Variants in SMYD3 observed in about 807,000 individuals in gnomAD.
The protein encoded by SMYD3 is histone-lysine N-methyltransferase SMYD3.
Under a neutral mutation model 57.7 loss-of-function variants are expected in SMYD3, and 36 were observed. The ratio of observed to expected loss-of-function variants is 0.62; its 90% CI spans 0.48 to 0.82. The LOEUF is 0.82. SMYD3 is among the 40% of genes least tolerant of loss of function. The pLI is 0.00. For missense variants in SMYD3, 515 were observed against 538.8 expected, an observed-to-expected ratio of 0.96 and a Z score of 0.44; for synonymous variants, 211 against 195.0, an observed-to-expected ratio of 1.08 and a Z score of -0.68.
intron 10 of SMYD3, among the ~76,000 whole-genome samples, chr1:245,789,574 T>C (rs1384486534): frequency 6.6e-6 from 1 of 152,262 alleles, no homozygotes; most frequent in African/African-American, 2.4e-5. Context: ...TTTTTATTTA[T>C]ATTTAAGTAC....
chr1:245,812,715 A>AG (rs1572406878), intron 10 of SMYD3, among the ~76,000 whole-genome samples: 2 of 150,558 alleles, frequency 1.3e-5, no homozygotes, highest in Non-Finnish European at 2.9e-5. Flanking sequence ...AAAAAAAAAA[A>AG]AGAGAAAGAG....
intron 8 of SMYD3, among the ~76,000 whole-genome samples, chr1:245,890,970 A>G (rs2053349436): frequency 6.6e-6 from 1 of 152,240 alleles, no homozygotes; most frequent in African/African-American, 2.4e-5. Context: ...CCAGACACAG[A>G]AAGACCAACT....
chr1:246,054,013 T>C (rs529750613), intron 5 of SMYD3, among the ~76,000 whole-genome samples: 14 of 152,260 alleles, frequency 9.2e-5, no homozygotes, highest in African/African-American at 2.9e-4. Context: ...GAGATAATAT[T>C]TGCAATGCAT....
At chr1:246,060,013 T>C (rs1572960210) in intron 5 of SMYD3, among the ~76,000 whole-genome samples, 1 of 151,628 alleles carries the variant, frequency 6.6e-6, no homozygotes. Context: ...CGGGGCATAA[T>C]GGCTCACACC....
intron 5 of SMYD3, among the ~76,000 whole-genome samples, chr1:246,102,279 C>G (rs919269033): frequency 1.3e-5 from 2 of 152,070 alleles, no homozygotes; most frequent in African/African-American, 4.8e-5. Flanking sequence ...TTAGTCTGTC[C>G]CCAATATTGC....
chr1:246,376,150 T>G (rs1215893958), intron 1 of SMYD3, among the ~76,000 whole-genome samples: 1 of 152,170 alleles, frequency 6.6e-6, no homozygotes, highest in African/African-American at 2.4e-5. Flanking sequence ...TATGGTCTGA[T>G]TAAGATATAA....
chr1:246,033,832 A>T (rs2059721820), intron 5 of SMYD3, among the ~76,000 whole-genome samples: 1 of 152,088 alleles, frequency 6.6e-6, no homozygotes, highest in Non-Finnish European at 1.5e-5. Context: ...AAATTTTTTT[A>T]AATGTCAGTG....
intron 1 of SMYD3, among the ~76,000 whole-genome samples, chr1:246,463,780 G>A (rs1205627177): frequency 2.2e-5 from 3 of 139,524 alleles, no homozygotes; most frequent in African/African-American, 8.1e-5. Context: ...AGTTTGCAGT[G>A]AGCCGAGATC....
intron 1 of SMYD3, among the ~76,000 whole-genome samples, chr1:246,398,354 G>A (rs2066710560): frequency 6.6e-6 from 1 of 152,224 alleles, no homozygotes; most frequent in Admixed American, 6.5e-5. Context: ...TTTGGCCCAC[G>A]CCCAGAAATG....
chr1:246,140,048 A>G lies in SMYD3; in HGVS notation c.531+187153T>C, dbSNP rs146774878. ...TCGAAGACAAAACATAAGAATGGAC[A>G]AATCATTCTTTAGTTACATAAGAAT... is the stretch of plus-strand genomic sequence containing the variant. On this transcript the variant is annotated intron_variant, in intron 5 of 11. Coordinates refer to ENST00000490107, the MANE Select transcript of SMYD3 (RefSeq NM_001167740.2). Among the ~76,000 whole-genome samples, 473 of 152,372 alleles carry G rather than the reference A, an allele frequency of 3.1e-3. 3 individuals carry two copies. Among genetic ancestry groups the G allele is most frequent in the Middle Eastern group, 6.8e-3 (2 of 294 alleles).
At chr1:246,135,156 C>T (rs1440801055) in intron 5 of SMYD3, among the ~76,000 whole-genome samples, 2 of 152,056 alleles carry the variant, frequency 1.3e-5, no homozygotes, top group African/African-American at 4.8e-5. Flanking sequence ...TGAAGAGCTA[C>T]AGTGATTCAG....
chr1:246,016,866 C>T (rs2059386002), intron 5 of SMYD3, among the ~76,000 whole-genome samples: 1 of 151,964 alleles, frequency 6.6e-6, no homozygotes, highest in Admixed American at 6.6e-5. Flanking sequence ...CAATGTGTGG[C>T]CATTCAGAAG....
At chr1:245,763,626 T>A (rs1175138187) in intron 11 of SMYD3, among the ~76,000 whole-genome samples, 3 of 152,036 alleles carry the variant, frequency 2.0e-5, no homozygotes, top group Non-Finnish European at 2.9e-5. Flanking sequence ...AAAGGTGAAC[T>A]GCCACACAGA....
intron 5 of SMYD3, among the ~76,000 whole-genome samples, chr1:246,242,488 G>T (rs1200549816): frequency 1.3e-5 from 2 of 152,134 alleles, no homozygotes; most frequent in Non-Finnish European, 2.9e-5. Flanking sequence ...TTTTATATTT[G>T]CTGAGGAGTG....
At chr1:246,193,704 A>G (rs545291042) in intron 5 of SMYD3, 1 of 152,288 alleles carries the variant, frequency 6.6e-6, no homozygotes, top group East Asian at 1.9e-4. Context: ...GTCTTCTCCT[A>G]CTTCCTCAGG....
intron 10 of SMYD3, among the ~76,000 whole-genome samples, chr1:245,818,545 T>C (rs2048980822): frequency 6.6e-6 from 1 of 152,010 alleles, no homozygotes; most frequent in Non-Finnish European, 1.5e-5. Context: ...CACATAACAA[T>C]ATTAACTTTA....
intron 5 of SMYD3, among the ~76,000 whole-genome samples, chr1:245,961,347 T>A (rs551073788): frequency 6.6e-6 from 1 of 152,330 alleles, no homozygotes; most frequent in African/African-American, 2.4e-5. Context: ...AACTCCAATT[T>A]TAAGGGGAAT....
chr1:246,080,673 G>A (rs1281018010), intron 5 of SMYD3, among the ~76,000 whole-genome samples: 3 of 152,214 alleles, frequency 2.0e-5, no homozygotes, highest in East Asian at 1.9e-4. Flanking sequence ...ATACAAAGGA[G>A]GAAATCCTTA....
chr1:245,807,349 A>T (rs958377854), intron 10 of SMYD3, among the ~76,000 whole-genome samples: 1 of 152,166 alleles, frequency 6.6e-6, no homozygotes, highest in African/African-American at 2.4e-5. Flanking sequence ...TTTACCAACA[A>T]AGAAAAAAAA....
Sources: allele counts gnomAD v4.1 joint callset (sites outside exome capture counted in the v4.1 genomes callset), GRCh38; gene constraint gnomAD v4.1.1; transcripts MANE v1.5; gene names NCBI Gene and HGNC (gene_info 2026-07-23, HGNC 2026-07-21).